Variants in FKBP5 observed in about 807,000 individuals in gnomAD.
FKBP5 encodes FKBP prolyl isomerase 5, also known as peptidyl-prolyl cis-trans isomerase FKBP5.
A neutral mutation model predicts 50.5 loss-of-function variants in FKBP5; 23 were observed. That is an observed-to-expected ratio of 0.46 (90% CI 0.33 to 0.65). FKBP5 has a LOEUF of 0.65. FKBP5 is among the 30% of genes least tolerant of loss of function. The probability of loss-of-function intolerance (pLI) is 0.02; values close to 1 mark genes in which losing one functional copy is unlikely to be tolerated. For synonymous variants in FKBP5, 176 were observed against 190.6 expected (o/e 0.92, Z 0.63); for missense variants, 411 against 553.1 (o/e 0.74, Z 2.58).
intron 2 of FKBP5, among the ~76,000 whole-genome samples, chr6:35,700,486 G>A (rs1766160796): frequency 6.6e-6 from 1 of 152,200 alleles, no homozygotes; most frequent in African/African-American, 2.4e-5. Context: ...TCACAAGAGT[G>A]ATTTGTCAGG....
At chr6:35,727,463 C>T (rs1022763395) in intron 1 of FKBP5, among the ~76,000 whole-genome samples, 1 of 152,216 alleles carries the variant, frequency 6.6e-6, no homozygotes, top group Non-Finnish European at 1.5e-5. Context: ...CACACCCACT[C>T]GCCAGTGTCT....
At chr6:35,580,499 T>C in intron 8 of FKBP5, 2 of 289,756 alleles carry the variant, frequency 6.9e-6, no homozygotes, top group South Asian at 1.5e-4. Flanking sequence ...TTCTGGGCTA[T>C]GTTCTTTGGT....
intron 1 of FKBP5, among the ~76,000 whole-genome samples, chr6:35,669,864 CCT>C (rs1170206091): frequency 6.6e-6 from 1 of 152,024 alleles, no homozygotes; most frequent in African/African-American, 2.4e-5. Context: ...TAAAAGTCAC[CCT>C]GTTTCCTTTT....
chr6:35,616,468 T>A (rs1763664189), intron 5 of FKBP5, among the ~76,000 whole-genome samples: 1 of 152,140 alleles, frequency 6.6e-6, no homozygotes, highest in Non-Finnish European at 1.5e-5. Context: ...TTCCTGATTT[T>A]GATAAATGTA....
At chr6:35,727,553 GA>G (rs1766740833) in intron 1 of FKBP5, among the ~76,000 whole-genome samples, 1 of 152,206 alleles carries the variant, frequency 6.6e-6, no homozygotes, top group South Asian at 2.1e-4. Context: ...CCAGCCCCGG[GA>G]ATCCCTGGAG....
chr6:35,694,457 T>G (rs1038330958), intron 2 of FKBP5, among the ~76,000 whole-genome samples: 1 of 152,188 alleles, frequency 6.6e-6, no homozygotes, highest in African/African-American at 2.4e-5. Context: ...CCATTATCAG[T>G]TTTTAGTGAT....
In FKBP5 at chr6:35,699,169, T is replaced by C. The variant is rs181823071; in HGVS notation, c.-20+21159A>G. The stretch of plus-strand genomic sequence containing the variant: ...GCAAGTAAGACCCTAGCTGTGATGT[T>C]GGCAAGGGTCTCCAGCTCTTCTCCA... On this transcript the variant is annotated intron_variant, in intron 2 of 11. Transcript: ENST00000536438. 1.3e-3 allele frequency among the ~76,000 whole-genome samples: 196 copies of C among 152,306 alleles called. 2 individuals carry two copies. In the East Asian group the frequency reaches 0.029, roughly 22 times the overall value.
At chr6:35,583,587 C>T in intron 8 of FKBP5, 2 of 982,832 alleles carry the variant, frequency 2.0e-6, no homozygotes, top group Non-Finnish European at 2.4e-6. Flanking sequence ...TTTTGCCCCC[C>T]AGGGAACACC....
Position 35,658,931 on chromosome 6 carries a change from G to A in FKBP5, c.-19-16088C>T, listed in dbSNP as rs1246095000. On this transcript the variant is annotated intron_variant, in intron 1 of 10. Transcript: ENST00000357266. ...ACCAAAAAATACAAAAATTAGCTGA[G>A]CATGGTGGCACACACCTGTAGTCCC... is the stretch of plus-strand genomic sequence containing the variant. Among the ~76,000 whole-genome samples the A allele has an allele frequency of 1.1e-4, 9 of 82,106 alleles. 2 individuals are homozygous for A. The highest frequency in any genetic ancestry group is 3.4e-4 in the African/African-American group (9 of 26,390). 53.9% of individuals were successfully genotyped at this position (82,106 alleles called of 152,430 possible).
intron 3 of FKBP5, among the ~76,000 whole-genome samples, chr6:35,635,087 T>C (rs1428358820): frequency 7.0e-6 from 1 of 143,458 alleles, no homozygotes; most frequent in East Asian, 2.0e-4. Flanking sequence ...TAATCCCAGG[T>C]GTTTGGGTGG....
At chr6:35,617,694 C>T (rs935731048) in intron 5 of FKBP5, among the ~76,000 whole-genome samples, 8 of 152,156 alleles carry the variant, frequency 5.3e-5, no homozygotes, top group South Asian at 2.1e-4. Context: ...ATGTGTGTCA[C>T]GCACTGCAGG....
intron 1 of FKBP5, among the ~76,000 whole-genome samples, chr6:35,728,252 G>C (rs551967003): frequency 6.6e-5 from 10 of 152,300 alleles, no homozygotes; most frequent in South Asian, 2.1e-4. Context: ...CCCGGCACTC[G>C]GCAGCTCCCT....
intron 2 of FKBP5, among the ~76,000 whole-genome samples, chr6:35,714,270 G>C (rs1244910505): frequency 7.0e-6 from 1 of 142,794 alleles, no homozygotes. Flanking sequence ...TGGCCAACAT[G>C]GTGAAACCCC....
chr6:35,723,949 T>C (rs925415277), intron 1 of FKBP5, among the ~76,000 whole-genome samples: 1 of 152,242 alleles, frequency 6.6e-6, no homozygotes, highest in Non-Finnish European at 1.5e-5. Context: ...CCTAGTTTCT[T>C]GCCCTTAGGC....
At chr6:35,631,463 T>C (rs1764149888) in intron 3 of FKBP5, among the ~76,000 whole-genome samples, 2 of 152,200 alleles carry the variant, frequency 1.3e-5, no homozygotes, top group Admixed American at 6.5e-5. Context: ...AAATACTTTT[T>C]AGGGTAAAGA....
At chr6:35,583,297 G>A (rs1428257650) in intron 8 of FKBP5, 1 of 985,120 alleles carries the variant, frequency 1.0e-6, no homozygotes, top group African/African-American at 1.7e-5. Context: ...ATTGTATAGG[G>A]AAAGAAAAGA....
At chr6:35,652,314 G>T (rs1012719262) in intron 1 of FKBP5, among the ~76,000 whole-genome samples, 2 of 152,236 alleles carry the variant, frequency 1.3e-5, no homozygotes, top group African/African-American at 4.8e-5. Context: ...AACAGCAATT[G>T]TTCAGGGAAT....
intron 1 of FKBP5, among the ~76,000 whole-genome samples, chr6:35,650,248 C>T (rs763135078): frequency 1.1e-3 from 159 of 149,210 alleles, no homozygotes; most frequent in Non-Finnish European, 8.1e-4. Context: ...GAGTATCACG[C>T]CATGGTTGCA....
intron 3 of FKBP5, among the ~76,000 whole-genome samples, chr6:35,634,161 C>T (rs187174804): frequency 1.0e-3 from 155 of 152,200 alleles, no homozygotes; most frequent in African/African-American, 3.3e-3. Context: ...GACCTGTTAT[C>T]TTAACTCTCA....
Sources: allele counts gnomAD v4.1 joint callset (sites outside exome capture counted in the v4.1 genomes callset), GRCh38; gene constraint gnomAD v4.1.1; transcripts MANE v1.5; gene names NCBI Gene and HGNC (gene_info 2026-07-23, HGNC 2026-07-21).